The following PIP5K1B variants were observed in gnomAD, a reference collection of about 807,000 sequenced individuals.
PIP5K1B encodes the protein phosphatidylinositol-4-phosphate 5-kinase type 1 beta.
Under a neutral mutation model 67.0 loss-of-function variants are expected in PIP5K1B, and 42 were observed. The observed-to-expected ratio is 0.63, with a 90% CI of 0.49 to 0.81. PIP5K1B has a LOEUF of 0.81. Ranked by LOEUF, PIP5K1B falls within the 30% of genes least tolerant of loss-of-function variation. PIP5K1B has a pLI of 0.00. For synonymous variants in PIP5K1B, 214 were observed against 231.4 expected, an observed-to-expected ratio of 0.92 and a Z score of 0.68; for missense variants, 459 against 646.3, an observed-to-expected ratio of 0.71 and a Z score of 3.14.
chr9:68,706,351 G>A (rs1827123078), intron 1 of PIP5K1B: 1 of 152,214 alleles, frequency 6.6e-6, no homozygotes, highest in Non-Finnish European at 1.5e-5. Flanking sequence ...ACTGGGGAGG[G>A]AGAATGCCCG....
chr9:68,857,450 C>T (rs1822835947), intron 4 of PIP5K1B, among the ~76,000 whole-genome samples: 1 of 152,204 alleles, frequency 6.6e-6, no homozygotes. Context: ...CAGTGGGAAT[C>T]TATCCCTGTT....
chr9:68,776,963 T>C (rs1830948530), intron 2 of PIP5K1B, among the ~76,000 whole-genome samples: 1 of 152,220 alleles, frequency 6.6e-6, no homozygotes, highest in African/African-American at 2.4e-5. Context: ...TGCTGAACAT[T>C]TTAATTCTAT....
intron 6 of PIP5K1B, among the ~76,000 whole-genome samples, chr9:68,878,471 A>G (rs1489798242): frequency 1.3e-5 from 2 of 152,218 alleles, no homozygotes; most frequent in Non-Finnish European, 2.9e-5. Context: ...AATTATTTTC[A>G]TAATGTGGTT....
chr9:68,726,364 G>A (rs1828148856), intron 1 of PIP5K1B, among the ~76,000 whole-genome samples: 1 of 152,150 alleles, frequency 6.6e-6, no homozygotes, highest in Admixed American at 6.6e-5. Context: ...GGCCAAAAAT[G>A]AGGGAAACTC....
intron 1 of PIP5K1B, among the ~76,000 whole-genome samples, chr9:68,722,405 A>G (rs949543075): frequency 6.6e-6 from 1 of 151,650 alleles, no homozygotes; most frequent in Non-Finnish European, 1.5e-5. Flanking sequence ...GGGTTTCATC[A>G]TGCTGGCCAT....
chr9:68,911,475 A>C (rs979070336), intron 8 of PIP5K1B, among the ~76,000 whole-genome samples: 1 of 152,164 alleles, frequency 6.6e-6, no homozygotes, highest in Non-Finnish European at 1.5e-5. Context: ...TGGGTGACTC[A>C]GTGAAGGAAA....
Position 68,925,274 on chromosome 9 carries a change from C to A in PIP5K1B, c.1201+1888C>A, listed in dbSNP as rs1429971163. ...TAGGATTATTTCTTTAGAATGGATTCCAAGAAAGGGGTACTAGGGTAATAA... is the reference window on the plus strand; with the variant it reads ...TAGGATTATTTCTTTAGAATGGATTACAAGAAAGGGGTACTAGGGTAATAA... On this transcript the variant is annotated intron_variant, in intron 12 of 15. Coordinates refer to ENST00000265382, the MANE Select transcript of PIP5K1B (RefSeq NM_003558.4). 3.3e-5 allele frequency among the ~76,000 whole-genome samples: 5 copies of A among 152,128 alleles called. No homozygotes were observed. The East Asian group carries it at 5.8e-4, about 18-fold the overall frequency.
At chr9:68,757,285 A>G (rs1829971530) in intron 2 of PIP5K1B, among the ~76,000 whole-genome samples, 1 of 152,294 alleles carries the variant, frequency 6.6e-6, no homozygotes, top group African/African-American at 2.4e-5. Context: ...TTAATTTTCT[A>G]TTTTAAAAGA....
intron 14 of PIP5K1B, among the ~76,000 whole-genome samples, chr9:68,983,762 G>A (rs1461279739): frequency 6.6e-6 from 1 of 152,196 alleles, no homozygotes; most frequent in African/African-American, 2.4e-5. Context: ...AGAGAACTGT[G>A]GCAAAACTTA....
chr9:68,939,235 C>T (rs918577155), intron 13 of PIP5K1B, among the ~76,000 whole-genome samples: 7 of 152,192 alleles, frequency 4.6e-5, no homozygotes, highest in African/African-American at 1.7e-4. Flanking sequence ...TGAGGGGTCA[C>T]CTTCCCAATG....
chr9:68,800,111 G>A (rs967363338), intron 2 of PIP5K1B, among the ~76,000 whole-genome samples: 5 of 152,236 alleles, frequency 3.3e-5, no homozygotes, highest in Admixed American at 6.5e-5. Context: ...AAACATACAT[G>A]AGCCTGGCCT....
intron 8 of PIP5K1B, among the ~76,000 whole-genome samples, chr9:68,911,600 T>C (rs1281991224): frequency 6.6e-6 from 1 of 151,636 alleles, no homozygotes; most frequent in Non-Finnish European, 1.5e-5. Flanking sequence ...TGGCCATGTG[T>C]AGACATTTAG....
rs1421955300 is a variant in PIP5K1B at position 68,904,809 on chromosome 9, T to C, written c.771+10171T>C. 2.6e-5 allele frequency among the ~76,000 whole-genome samples: 4 copies of C among 152,116 alleles called. 1 individual carries two copies. The East Asian group carries it at 7.7e-4, about 29-fold the overall frequency. On this transcript the variant is annotated intron_variant, in intron 8 of 15. Transcript: ENST00000265382. ...AACCAAAGTATTATCAAAATTTCTA[T>C]AGAAAGAATGAAAATGGGAGACTGA...
At chr9:68,874,094 C>T (rs1823760537) in intron 5 of PIP5K1B, among the ~76,000 whole-genome samples, 1 of 152,148 alleles carries the variant, frequency 6.6e-6, no homozygotes, top group South Asian at 2.1e-4. Flanking sequence ...TTGTTATTTC[C>T]TGTATGTTAA....
At chr9:68,973,928 A>T (rs1829513856) in intron 14 of PIP5K1B, among the ~76,000 whole-genome samples, 1 of 152,212 alleles carries the variant, frequency 6.6e-6, no homozygotes, top group Non-Finnish European at 1.5e-5. Flanking sequence ...CCCAAGCTGG[A>T]GCACAGTGGC....
At chr9:68,956,685 T>G (rs1273175045) in intron 14 of PIP5K1B, among the ~76,000 whole-genome samples, 3 of 152,210 alleles carry the variant, frequency 2.0e-5, no homozygotes, top group Non-Finnish European at 2.9e-5. Context: ...TCTCATCACT[T>G]TCCATTGACA....
At chr9:68,709,608 C>T (rs941620276) in intron 1 of PIP5K1B, among the ~76,000 whole-genome samples, 4 of 152,172 alleles carry the variant, frequency 2.6e-5, no homozygotes, top group Non-Finnish European at 5.9e-5. Context: ...TAATACTTTG[C>T]TCCAATCAGT....
chr9:68,955,653 G>C (rs886381820), intron 14 of PIP5K1B, among the ~76,000 whole-genome samples: 1 of 152,212 alleles, frequency 6.6e-6, no homozygotes, highest in African/African-American at 2.4e-5. Flanking sequence ...AAACAGGAAG[G>C]TGGGTCACCT....
At chr9:68,812,722 A>T (rs990346747) in intron 2 of PIP5K1B, among the ~76,000 whole-genome samples, 7 of 152,240 alleles carry the variant, frequency 4.6e-5, no homozygotes, top group Non-Finnish European at 8.8e-5. Context: ...GGTTAGGAGA[A>T]ATAATATTCA....
Sources: allele counts gnomAD v4.1 joint callset (sites outside exome capture counted in the v4.1 genomes callset), GRCh38; gene constraint gnomAD v4.1.1; transcripts MANE v1.5; gene names NCBI Gene and HGNC (gene_info 2026-07-23, HGNC 2026-07-21).